Variants in CEP290 observed in about 807,000 individuals in gnomAD.
CEP290 encodes centrosomal protein of 290 kDa.
In CEP290, 317 loss-of-function variants were observed where a neutral mutation model predicts 344.9. The ratio of observed to expected loss-of-function variants is 0.92; its 90% CI spans 0.84 to 1.01. The LOEUF (loss-of-function observed/expected upper bound fraction) is 1.01, where lower values mean the gene tolerates loss of function less well. Ranked by LOEUF, CEP290 falls within the 50% of genes least tolerant of loss-of-function variation. The pLI is 0.00. For synonymous variants in CEP290, 932 were observed against 895.8 expected, an observed-to-expected ratio of 1.04 and a Z score of -0.72; for missense variants, 2,754 against 2,761.4, an observed-to-expected ratio of 1.00 and a Z score of 0.06.
Position 88,106,775 on chromosome 12 carries a change from A to C in CEP290, c.2717T>G (p.Leu906Trp), listed in dbSNP as rs7970228. ...ATTTTCTTTTCTAAGTTGTCGCTCC[A>C]ATTCTACTAAGGTTGTATATTGCCT... Reference protein sequence around the residue: ...LIRQYTTLVELERQLRKENEK... With the variant: ...LIRQYTTLVEWERQLRKENEK... Residue 906 changes from leucine (L) to tryptophan (W), a missense_variant, in exon 25 of 54, where the codon TTG (leucine) becomes TGG (tryptophan). By Grantham distance (61) the Leu-to-Trp change is moderately conservative (BLOSUM62 -2). Coordinates refer to ENST00000552810, the MANE Select transcript of CEP290 (RefSeq NM_025114.4). 12,180 of 1,610,384 alleles carry C rather than the reference A, an allele frequency of 7.6e-3. 713 individuals carry two copies. The African/African-American group carries it at 0.14, about 18-fold the overall frequency.
At chr12:88,054,453 T>A (rs759486805) in intron 50 of CEP290, 40 bp from the exon 51 acceptor site, 2 of 1,408,546 alleles carry the variant, frequency 1.4e-6, no homozygotes, top group African/African-American at 2.9e-5. Context: ...AGGTTTGCCA[T>A]GGAAATATGA....
intron 26 of CEP290, among the ~76,000 whole-genome samples, chr12:88,098,383 G>T (rs1240931578): frequency 2.0e-5 from 3 of 152,058 alleles, no homozygotes; most frequent in Admixed American, 6.6e-5. Context: ...GCTGAGGTGG[G>T]AGAATCACTT....
At chr12:88,060,162 TAGTG>T (rs2034357473) in intron 47 of CEP290, 142 bp from the exon 48 acceptor site, 2 of 753,396 alleles carry the variant, frequency 2.7e-6, no homozygotes, top group South Asian at 2.2e-5. Context: ...ATTTGAATAT[TAGTG>T]AGAACGAAGT....
In CEP290 at chr12:88,129,032, G is replaced by A; in HGVS notation, c.856C>T (p.Gln286Ter). ...KENDHYQLQV[Q>*]ELTDLLKSKN... ...GATTTCAGAAGATCTGTAAGCTCCT[G>A]CACCTAAAAGACAAAGTTATTTCAA... The change falls in exon 11 of 54, where the codon CAG (glutamine) becomes TAG (stop). Residue 286 changes from glutamine to a stop codon, truncating the protein, a stop_gained. Transcript: ENST00000552810. LOFTEE classifies it high-confidence loss of function. 7.1e-7 allele frequency: 1 copy of A among 1,416,824 alleles called. No individual in the cohort carries two copies. The highest frequency in any genetic ancestry group is 9.2e-7 in the Non-Finnish European group (1 of 1,092,052). 87.8% of individuals were successfully genotyped at this position (1,416,824 alleles called of 1,614,324 possible). A position where few individuals can be genotyped will look rare whatever the true frequency, so the allele number is the denominator to read the frequency against.
chr12:88,078,977 C>G, intron 39 of CEP290, 115 bp downstream of exon 39: 1 of 803,300 alleles, frequency 1.2e-6, no homozygotes, highest in Non-Finnish European at 1.8e-6. Flanking sequence ...GTCTAGCCAC[C>G]AACAGTGCAT....
Position 88,064,105 on chromosome 12 carries a change from A to T in CEP290, c.6146T>A (p.Ile2049Lys). Residue 2049 changes from isoleucine to lysine, a missense_variant, in exon 45 of 54, where the codon ATA becomes AAA. Physicochemically the swap from Ile to Lys is moderately radical, Grantham distance 102 (BLOSUM62 -3). Transcript: ENST00000552810. ...DTYSKPSISG[I>K]ESDDHCQREQ... ...TCTCTGACAATGATCATCTGACTCT[A>T]TTCCTGAAATCTTCAGGGAAATGAA... The T allele has an allele frequency of 6.4e-7, 1 of 1,562,212 alleles. No individual in the cohort carries two copies. The highest frequency in any genetic ancestry group is 8.7e-7 in the Non-Finnish European group (1 of 1,154,370).
chr12:88,049,697 T>C (rs1306816601), intron 53 of CEP290: 2 of 233,052 alleles, frequency 8.6e-6, no homozygotes, highest in African/African-American at 4.6e-5. Context: ...TAAAAGCATA[T>C]AAGAGCTTGT....
At chr12:88,114,620 G>A (rs998605765) in intron 19 of CEP290, 58 bp from the exon 20 acceptor site, 33 of 1,316,822 alleles carry the variant, frequency 2.5e-5, no homozygotes, top group Admixed American at 1.6e-4. Flanking sequence ...TTTACACTAT[G>A]CTATACAGAT....
rs967600444 is a variant in CEP290 at position 88,131,192 on chromosome 12, T to C, written c.468A>G (p.Glu156=). The change falls in exon 7 of 54, where the codon GAA becomes GAG. Residue 156 remains glutamate, a synonymous_variant. Coordinates refer to ENST00000552810, the MANE Select transcript of CEP290 (RefSeq NM_025114.4). ...CTCTTCTTAATTTGCTGTTTTCATT[T>C]TCTGCCTCCTCATTTCGAAGAGCCA... is the stretch of plus-strand genomic sequence containing the variant. ...EQLALRNEEA[E]NENSKLRREN... 1.1e-5 allele frequency: 16 copies of C among 1,522,266 alleles called. 1 individual carries two copies. Among genetic ancestry groups the C allele is most frequent in the African/African-American group, 5.7e-5 (4 of 70,062 alleles). The allele number at this position is 1,522,266 out of a possible 1,614,324, so 94.3% of individuals were successfully genotyped here. A position where few individuals can be genotyped will look rare whatever the true frequency, so the allele number is the denominator to read the frequency against.
chr12:88,131,124 A>C (rs1380051514), intron 7 of CEP290, 41 bp downstream of exon 7: 1 of 1,424,812 alleles, frequency 7.0e-7, no homozygotes, highest in African/African-American at 1.5e-5. Context: ...TATTTTAATA[A>C]GTACCTTTGT....
At chr12:88,081,796 G>T (rs1431042573) in intron 37 of CEP290, among the ~76,000 whole-genome samples, 2 of 152,126 alleles carry the variant, frequency 1.3e-5, no homozygotes, top group African/African-American at 4.8e-5. Flanking sequence ...AAAAGATTAT[G>T]ATTTTCTACA....
At chr12:88,110,337 G>C (rs528059846) in intron 22 of CEP290, among the ~76,000 whole-genome samples, 2 of 152,282 alleles carry the variant, frequency 1.3e-5, no homozygotes, top group South Asian at 4.2e-4. Flanking sequence ...GTATAGTAGA[G>C]TACCCTTTCC....
chr12:88,075,692 A>G (rs1445663813), intron 41 of CEP290, among the ~76,000 whole-genome samples: 10 of 152,202 alleles, frequency 6.6e-5, no homozygotes, highest in Non-Finnish European at 2.9e-5. Flanking sequence ...AAAGGGTACT[A>G]AAATTTCCAA....
chr12:88,114,478 G>T lies in CEP290; in HGVS notation c.1994C>A (p.Pro665His). ...LQAIKEMQKDPDVKGGETSLI... is the reference protein window; with the variant it reads ...LQAIKEMQKDHDVKGGETSLI... The stretch of plus-strand genomic sequence containing the variant: ...AGATGTTTCTCCTCCTTTAACATCA[G>T]GATCTTTCTGCATTTCCTTAATTGC... The change falls in exon 20 of 54, where the codon CCT (proline) becomes CAT (histidine). Residue 665 changes from proline to histidine, a missense_variant. Pro to His is a moderately conservative substitution (Grantham distance 77, BLOSUM62 -2). Transcript: ENST00000552810. The T allele has an allele frequency of 6.5e-7, 1 of 1,548,096 alleles. No individual in the cohort carries two copies. Among genetic ancestry groups the T allele is most frequent in the South Asian group, 1.2e-5 (1 of 83,160 alleles).
rs2035884532 is a variant in CEP290 at position 88,077,726 on chromosome 12, G to T, written c.5557C>A (p.Gln1853Lys). The T allele has an allele frequency of 5.7e-6, 9 of 1,565,322 alleles. No individual in the cohort carries two copies. Among genetic ancestry groups the T allele is most frequent in the African/African-American group, 1.4e-5 (1 of 72,204 alleles). The change falls in exon 40 of 54, where the codon CAA becomes AAA. Residue 1853 changes from glutamine to lysine, a missense_variant. Physicochemically the swap from Gln to Lys is moderately conservative, Grantham distance 53. Coordinates refer to ENST00000552810, the MANE Select transcript of CEP290 (RefSeq NM_025114.4). ...AATCCACTGGTTAGTCTTTTAATTT[G>T]CCTTTTCAGTTCATCATTCTCTTGA... ...IDQENDELKR[Q>K]IKRLTSGLQG... is the part of the protein sequence containing the mutation.
intron 22 of CEP290, 115 bp downstream of exon 22, chr12:88,111,087 G>A: frequency 3.5e-6 from 2 of 571,748 alleles, no homozygotes; most frequent in Non-Finnish European, 2.7e-6. Context: ...ATGCTTTGGT[G>A]ATGGAAAAAT....
chr12:88,055,724 G>A lies in CEP290; in HGVS notation c.6819-7C>T, dbSNP rs1161025933. Reference sequence around the variant, plus strand: ...TAACTTGGTTTCATACATTCTAAAAGTATAAGGAAAAAAAGTATAGACATG... The same window carrying A: ...TAACTTGGTTTCATACATTCTAAAAATATAAGGAAAAAAAGTATAGACATG... On this transcript the variant is annotated splice_polypyrimidine_tract_variant and splice_region_variant and intron_variant, in intron 49 of 53. Coordinates refer to ENST00000552810, the MANE Select transcript of CEP290 (RefSeq NM_025114.4). The A allele has an allele frequency of 6.1e-6, 9 of 1,477,672 alleles. No individual in the cohort carries two copies. Among genetic ancestry groups the A allele is most frequent in the Admixed American group, 5.3e-5 (2 of 37,800 alleles). 91.5% of individuals were successfully genotyped at this position (1,477,672 alleles called of 1,614,324 possible).
intron 47 of CEP290, 50 bp from the exon 48 acceptor site, chr12:88,060,070 A>C: frequency 7.4e-7 from 1 of 1,355,868 alleles, no homozygotes; most frequent in Non-Finnish European, 1.0e-6. Flanking sequence ...AAAACAAGGA[A>C]ATAAAAGATA....
Position 88,102,907 on chromosome 12 carries a change from A to C in CEP290, c.2922T>G (p.Ala974=). ...LANKQYNELT[A]KYRDILQKDN... ...CTTTTTGCAAGATGTCCCTGTACTT[A>C]GCAGTCAGTTCATTGTACTGTTTAT... The change falls in exon 26 of 54, where the codon GCT becomes GCG. Residue 974 remains alanine (A), a synonymous_variant. Transcript: ENST00000552810. The C allele has an allele frequency of 6.2e-7, 1 of 1,610,844 alleles. No individual in the cohort carries two copies. Among genetic ancestry groups the C allele is most frequent in the East Asian group, 2.2e-5 (1 of 44,624 alleles).
Sources: gnomAD v4.1 joint callset for allele counts (sites outside exome capture counted in the v4.1 genomes callset) on GRCh38, gnomAD v4.1.1 for gene constraint, MANE v1.5 for transcripts, NCBI Gene and HGNC (gene_info 2026-07-23, HGNC 2026-07-21) for gene names.